The following TACC2 variants were observed in gnomAD, a reference collection of about 807,000 sequenced individuals.
TACC2 encodes transforming acidic coiled-coil containing protein 2, also known as transforming acidic coiled-coil-containing protein 2.
TACC2 carries 137 observed loss-of-function variants against 227.3 expected under a neutral mutation model. The ratio of observed to expected loss-of-function variants is 0.60; its 90% CI spans 0.52 to 0.69. The LOEUF (loss-of-function observed/expected upper bound fraction) is 0.69. TACC2 is among the 30% of genes least tolerant of loss of function. The pLI is 0.00. For synonymous variants in TACC2, 1,523 were observed against 1,487.5 expected, an observed-to-expected ratio of 1.02 and a Z score of -0.55; for missense variants, 3,470 against 3,694.4, an observed-to-expected ratio of 0.94 and a Z score of 1.57.
chr10:122,152,961 C>A (rs1450110617), intron 7 of TACC2, among the ~76,000 whole-genome samples: 1 of 151,448 alleles, frequency 6.6e-6, no homozygotes, highest in Non-Finnish European at 1.5e-5. Context: ...ATGTACCAGG[C>A]ACTGAGAGCA....
At chr10:122,224,849 C>T (rs1192900373) in intron 12 of TACC2, 62 bp downstream of exon 12, 1 of 1,385,008 alleles carries the variant, frequency 7.2e-7, no homozygotes, top group Non-Finnish European at 1.0e-6. Flanking sequence ...GGGCCTCCTC[C>T]CCTGTGCAGA....
At chr10:122,166,830 T>G (rs1390573375) in intron 7 of TACC2, among the ~76,000 whole-genome samples, 1 of 152,176 alleles carries the variant, frequency 6.6e-6, no homozygotes, top group Non-Finnish European at 1.5e-5. Context: ...TGTTTCTAAA[T>G]AGAATATGAG....
chr10:122,020,960 G>A (rs11200339), intron 1 of TACC2, among the ~76,000 whole-genome samples: 9,901 of 152,140 alleles, frequency 0.065, 442 homozygotes, highest in African/African-American at 0.12. Context: ...GGCCGGGCGC[G>A]GTGGCTCATG....
At chr10:122,074,315 G>A (rs537943001) in intron 3 of TACC2, among the ~76,000 whole-genome samples, 1 of 149,836 alleles carries the variant, frequency 6.7e-6, no homozygotes, top group African/African-American at 2.5e-5. Context: ...CCTGACCTCA[G>A]GTGATCCACC....
intron 7 of TACC2, among the ~76,000 whole-genome samples, chr10:122,153,917 C>A (rs2139577207): frequency 6.6e-6 from 1 of 152,268 alleles, no homozygotes; most frequent in African/African-American, 2.4e-5. Context: ...GCTGAGCAAC[C>A]AACCTGTCTT....
At chr10:122,031,058 T>C (rs2135783165) in intron 2 of TACC2, among the ~76,000 whole-genome samples, 1 of 152,276 alleles carries the variant, frequency 6.6e-6, no homozygotes, top group East Asian at 1.9e-4. Flanking sequence ...CTATGTTTAA[T>C]TAATTAATTG....
chr10:122,031,741 G>A (rs1959006191), intron 2 of TACC2, among the ~76,000 whole-genome samples: 1 of 149,948 alleles, frequency 6.7e-6, no homozygotes, highest in Non-Finnish European at 1.5e-5. Flanking sequence ...GTCTCACTCT[G>A]TCACCTAGCG....
In TACC2 at chr10:122,249,149, C is replaced by T. The variant is rs772029008; in HGVS notation, c.8653C>T (p.Leu2885=). The change falls in exon 21 of 23, where the codon CTG becomes TTG. Residue 2885 remains leucine, a synonymous_variant. Transcript: ENST00000369005. Reference sequence around the variant, plus strand: ...CCTGAAGGTGCACGCGGAGGAGAAACTGGACAGGTAACATTTAGCCACTGG... The same window carrying T: ...CCTGAAGGTGCACGCGGAGGAGAAATTGGACAGGTAACATTTAGCCACTGG... The part of the protein sequence containing the change: ...QALKVHAEEK[L]DRANAEIAQV... 7 of 1,609,502 alleles carry T rather than the reference C, an allele frequency of 4.3e-6. No homozygotes were observed. The Admixed American group carries it at 1.0e-4, about 23-fold the overall frequency.
intron 3 of TACC2, among the ~76,000 whole-genome samples, chr10:122,081,733 A>G (rs1225963203): frequency 6.6e-6 from 1 of 152,172 alleles, no homozygotes; most frequent in Non-Finnish European, 1.5e-5. Flanking sequence ...TCAAGTTAAG[A>G]CAAATATGGG....
Position 122,004,590 on chromosome 10 carries a change from C to A in TACC2, c.-46+15102C>A, listed in dbSNP as rs147102410. 4.4e-3 allele frequency among the ~76,000 whole-genome samples: 668 copies of A among 152,238 alleles called. 3 individuals are homozygous for A. Among genetic ancestry groups the A allele is most frequent in the African/African-American group, 0.011 (443 of 41,530 alleles). ...TCCTCTGTGGCCCCACACCCCATCC[C>A]CCAGAACTGGACTCAGCACAGGAGG... On this transcript the variant is annotated intron_variant, in intron 1 of 22. Coordinates refer to ENST00000369005, the MANE Select transcript of TACC2 (RefSeq NM_206862.4).
intron 6 of TACC2, among the ~76,000 whole-genome samples, chr10:122,140,222 T>C (rs2090330266): frequency 6.6e-6 from 1 of 152,200 alleles, no homozygotes; most frequent in Non-Finnish European, 1.5e-5. Flanking sequence ...TCTAGGGATC[T>C]GTGTTGCGAT....
intron 5 of TACC2, among the ~76,000 whole-genome samples, chr10:122,108,315 C>T (rs190041197): frequency 2.0e-5 from 3 of 152,152 alleles, no homozygotes; most frequent in African/African-American, 7.2e-5. Context: ...CAATTCCATC[C>T]ATGTTGCTGC....
At chr10:122,000,965 G>A (rs1425176425) in intron 1 of TACC2, among the ~76,000 whole-genome samples, 2 of 152,148 alleles carry the variant, frequency 1.3e-5, no homozygotes, top group Non-Finnish European at 2.9e-5. Flanking sequence ...TGGGACTACA[G>A]GCATGCGCCA....
Position 122,148,087 on chromosome 10 carries a change from C to T in TACC2, c.5834+4381C>T, listed in dbSNP as rs890766017. 7.3e-5 allele frequency among the ~76,000 whole-genome samples: 11 copies of T among 150,402 alleles called. No individual in the cohort carries two copies. The South Asian group carries it at 2.3e-3, about 32-fold the overall frequency. On this transcript the variant is annotated intron_variant, in intron 7 of 22. Transcript: ENST00000369005. ...AAATGGAAGTCGTTATTCACCCAGG[C>T]TGAGCCAGAATTTTTTTTTTTTTTT...
chr10:122,140,838 A>AG (rs1312396851), intron 6 of TACC2, among the ~76,000 whole-genome samples: 2 of 152,180 alleles, frequency 1.3e-5, no homozygotes, highest in African/African-American at 4.8e-5. Flanking sequence ...CTGGCAGCTC[A>AG]GGGGGAGTTC....
chr10:122,244,900 C>T (rs1305163257), intron 19 of TACC2, among the ~76,000 whole-genome samples: 1 of 152,230 alleles, frequency 6.6e-6, no homozygotes, highest in Non-Finnish European at 1.5e-5. Flanking sequence ...TTTTGTTAAG[C>T]TCACATAGTG....
intron 3 of TACC2, among the ~76,000 whole-genome samples, chr10:122,079,326 A>G (rs2079184861): frequency 6.6e-6 from 1 of 152,188 alleles, no homozygotes; most frequent in African/African-American, 2.4e-5. Context: ...AACCCCAAGT[A>G]GTTTTCCAGA....
At chr10:122,143,200 G>A (rs1340925509) in intron 6 of TACC2, among the ~76,000 whole-genome samples, 1 of 152,182 alleles carries the variant, frequency 6.6e-6, no homozygotes, top group Admixed American at 6.5e-5. Flanking sequence ...ACCTTGTAGA[G>A]TTTCATTGCC....
At chr10:122,195,592 C>T (rs867178679) in intron 8 of TACC2, among the ~76,000 whole-genome samples, 1 of 152,208 alleles carries the variant, frequency 6.6e-6, no homozygotes, top group Admixed American at 6.5e-5. Flanking sequence ...TAGACATTCA[C>T]AGCAGATCAT....
Sources: allele counts gnomAD v4.1 joint callset (sites outside exome capture counted in the v4.1 genomes callset), GRCh38; gene constraint gnomAD v4.1.1; transcripts MANE v1.5; gene names NCBI Gene and HGNC (gene_info 2026-07-23, HGNC 2026-07-21).